The following PAPPA2 variants were observed in gnomAD, a reference collection of about 807,000 sequenced individuals.
PAPPA2 encodes the protein pappalysin 2.
In PAPPA2, 86 loss-of-function variants were observed where a neutral mutation model predicts 176.4. The observed-to-expected ratio is 0.49, with a 90% CI of 0.41 to 0.58. The LOEUF is 0.58. PAPPA2 is among the 20% of genes least tolerant of loss of function. The pLI, the probability that PAPPA2 is intolerant of heterozygous loss-of-function variation, is 0.00. For missense variants in PAPPA2, 2,073 were observed against 2,256.9 expected (o/e 0.92, Z 1.65); for synonymous variants, 809 against 852.2 (o/e 0.95, Z 0.88).
intron 2 of PAPPA2, among the ~76,000 whole-genome samples, chr1:176,586,528 T>G (rs892419248): frequency 1.3e-5 from 2 of 152,122 alleles, no homozygotes; most frequent in Admixed American, 1.3e-4. Context: ...CACATATGAG[T>G]GAGAACATGC....
intron 14 of PAPPA2, among the ~76,000 whole-genome samples, chr1:176,754,473 T>A (rs1346370717): frequency 1.3e-5 from 2 of 152,218 alleles, no homozygotes; most frequent in African/African-American, 4.8e-5. Context: ...CCAGAAGTAT[T>A]CTCTTATGGA....
At chr1:176,646,505 T>C (rs1352395041) in intron 3 of PAPPA2, among the ~76,000 whole-genome samples, 1 of 150,838 alleles carries the variant, frequency 6.6e-6, no homozygotes, top group African/African-American at 2.4e-5. Flanking sequence ...CTAGATCTTA[T>C]TGATTTTATC....
intron 12 of PAPPA2, among the ~76,000 whole-genome samples, chr1:176,716,936 G>A (rs1243281321): frequency 6.6e-6 from 1 of 152,050 alleles, no homozygotes. Context: ...AAAAATGTTA[G>A]CAGCACAAGG....
rs976312969 is a variant in PAPPA2, at chr1:176,554,304, G to A, written c.-916-1103G>A. 2.0e-5 allele frequency among the ~76,000 whole-genome samples: 3 copies of A among 152,224 alleles called. No individual in the cohort carries two copies. In the South Asian group the frequency reaches 6.2e-4, roughly 31 times the overall value. The stretch of plus-strand genomic sequence containing the variant: ...GTTTTAGATGTGGGCAACACAAGCA[G>A]TGACTTTAAAAGTGTAAGTGATTTT... On this transcript the variant is annotated intron_variant, in intron 1 of 22. Transcript: ENST00000367662.
intron 4 of PAPPA2, among the ~76,000 whole-genome samples, chr1:176,685,762 A>T (rs1204595454): frequency 6.6e-6 from 1 of 152,108 alleles, no homozygotes; most frequent in African/African-American, 2.4e-5. Context: ...TTTATTATTT[A>T]TTATCACATC....
intron 1 of PAPPA2, among the ~76,000 whole-genome samples, chr1:176,531,067 C>A (rs1019899406): frequency 2.6e-5 from 4 of 152,154 alleles, no homozygotes; most frequent in Non-Finnish European, 5.9e-5. Flanking sequence ...ATGAGGCTAC[C>A]AGGCCAAACT....
chr1:176,573,352 G>A (rs1333893867), intron 2 of PAPPA2, among the ~76,000 whole-genome samples: 1 of 152,134 alleles, frequency 6.6e-6, no homozygotes, highest in East Asian at 1.9e-4. Context: ...CACTTCTGTT[G>A]AGGAACAGCC....
rs116388436 is a variant in PAPPA2, at chr1:176,678,161, T to C, written c.2137+7046T>C. On this transcript the variant is annotated intron_variant, in intron 4 of 22. Coordinates refer to ENST00000367662, the MANE Select transcript of PAPPA2 (RefSeq NM_020318.3). ...CACTTAGAAGTGGGTGTGCTTTGCA[T>C]GACCACAGCAGTGCTCTTCAAAATT... 5.1e-3 allele frequency among the ~76,000 whole-genome samples: 775 copies of C among 152,300 alleles called. 13 individuals carry two copies. Among genetic ancestry groups the C allele is most frequent in the African/African-American group, 0.017 (705 of 41,568 alleles).
At chr1:176,492,867 C>G (rs573354515) in intron 1 of PAPPA2, among the ~76,000 whole-genome samples, 1 of 152,138 alleles carries the variant, frequency 6.6e-6, no homozygotes, top group East Asian at 1.9e-4. Flanking sequence ...AACTGAAGAA[C>G]AGGTTGAAGG....
At chr1:176,618,680 C>G (rs993576011) in intron 3 of PAPPA2, among the ~76,000 whole-genome samples, 2 of 152,180 alleles carry the variant, frequency 1.3e-5, no homozygotes, top group Non-Finnish European at 2.9e-5. Context: ...ATAGTTTTAA[C>G]TGTAAAAGAA....
intron 1 of PAPPA2, among the ~76,000 whole-genome samples, chr1:176,503,773 G>A (rs1648097034): frequency 1.3e-5 from 2 of 152,170 alleles, no homozygotes; most frequent in South Asian, 4.1e-4. Context: ...GGAAAGTCAA[G>A]TTCCATGCTC....
At chr1:176,825,939 A>G (rs549262730) in intron 21 of PAPPA2, among the ~76,000 whole-genome samples, 2 of 152,286 alleles carry the variant, frequency 1.3e-5, no homozygotes, top group Admixed American at 6.5e-5. Flanking sequence ...AAAAAAGACA[A>G]CTGGGGATTG....
chr1:176,602,918 T>C (rs1319342128), intron 3 of PAPPA2, among the ~76,000 whole-genome samples: 1 of 152,212 alleles, frequency 6.6e-6, no homozygotes. Context: ...TTCTCCACAG[T>C]TCCAATAGGC....
At chr1:176,774,509 C>T (rs1013076448) in intron 17 of PAPPA2, among the ~76,000 whole-genome samples, 1 of 152,164 alleles carries the variant, frequency 6.6e-6, no homozygotes, top group African/African-American at 2.4e-5. Context: ...CCTTTACCTT[C>T]TCTCAAATCA....
At chr1:176,640,325 A>G (rs1455447283) in intron 3 of PAPPA2, among the ~76,000 whole-genome samples, 7 of 143,134 alleles carry the variant, frequency 4.9e-5, no homozygotes, top group Admixed American at 4.2e-4. Flanking sequence ...TATATCTCCC[A>G]ATGCTATCCC....
intron 10 of PAPPA2, 46 bp downstream of exon 10, chr1:176,706,496 G>GGTAAAATATATA (rs776329530): frequency 6.5e-7 from 1 of 1,542,786 alleles, no homozygotes. Context: ...ACTTTTAGAG[G>GGTAAAATATATA]TGTATTATTT....
At chr1:176,550,428 G>A (rs1186988537) in intron 1 of PAPPA2, among the ~76,000 whole-genome samples, 1 of 152,206 alleles carries the variant, frequency 6.6e-6, no homozygotes, top group Non-Finnish European at 1.5e-5. Flanking sequence ...GCCTTTGTTT[G>A]TCGGATGAGC....
chr1:176,679,433 G>T (rs1659470630), intron 4 of PAPPA2, among the ~76,000 whole-genome samples: 2 of 152,068 alleles, frequency 1.3e-5, no homozygotes, highest in South Asian at 4.1e-4. Flanking sequence ...TTCTTCTCTA[G>T]ATTTAGTGAT....
Position 176,556,090 on chromosome 1 carries a change from C to G in PAPPA2, c.-233C>G, listed in dbSNP as rs930565488. ...AAGAGGAGAGAGGTCAAGCGAGAAG[C>G]GTGCGGGAAGCACATGCCCTGGGGA... On this transcript the variant is annotated 5_prime_UTR_variant, in exon 2 of 23. Transcript: ENST00000367662. 1.8e-5 allele frequency: 10 copies of G among 549,978 alleles called. No homozygotes were observed. In the East Asian group the frequency reaches 2.9e-4, roughly 16 times the overall value. 34.1% of individuals were successfully genotyped at this position (549,978 alleles called of 1,614,324 possible).
Sources: gnomAD v4.1 joint callset for allele counts (sites outside exome capture counted in the v4.1 genomes callset) on GRCh38, gnomAD v4.1.1 for gene constraint, MANE v1.5 for transcripts, NCBI Gene and HGNC (gene_info 2026-07-23, HGNC 2026-07-21) for gene names.